GINS2: variants seen among roughly 807,000 people sequenced by gnomAD.
GINS2 encodes the protein DNA replication complex GINS protein PSF2.
A neutral mutation model predicts 21.2 loss-of-function variants in GINS2; 23 were observed. The observed-to-expected ratio is 1.08, with a 90% confidence interval of 0.78 to 1.53. The LOEUF is 1.53. Ranked by LOEUF, GINS2 falls within the 40% of genes most tolerant of loss-of-function variation. The pLI is 0.00. For synonymous variants in GINS2, 118 were observed against 85.6 expected (o/e 1.38, Z -2.09); for missense variants, 323 against 233.9 (o/e 1.38, Z -2.49).
intron 3 of GINS2, 23 bp downstream of exon 3, chr16:85,681,559 T>A: frequency 2.2e-6 from 3 of 1,387,462 alleles, no homozygotes; most frequent in Non-Finnish European, 3.1e-6. Context: ...GGGTGTGGCC[T>A]CTAAGAGGTG....
At chr16:85,679,449 G>A (rs1318317541) in intron 3 of GINS2, among the ~76,000 whole-genome samples, 2 of 152,212 alleles carry the variant, frequency 1.3e-5, no homozygotes, top group African/African-American at 4.8e-5. Flanking sequence ...TACAGGTTAC[G>A]CTAGACATTC....
chr16:85,687,970 C>T (rs956676841), intron 1 of GINS2: 1 of 159,770 alleles, frequency 6.3e-6, no homozygotes, highest in African/African-American at 2.4e-5. Context: ...AGGCGCCTCC[C>T]TCATACTGAA....
chr16:85,682,826 C>A (rs1003848487), intron 2 of GINS2, among the ~76,000 whole-genome samples: 6 of 152,168 alleles, frequency 3.9e-5, no homozygotes, highest in African/African-American at 9.7e-5. Context: ...AGCACAGCTA[C>A]GCTGCAGGGT....
chr16:85,678,360 G>C (rs1254905630), intron 4 of GINS2, 23 bp from the exon 5 acceptor site: 2 of 1,612,750 alleles, frequency 1.2e-6, no homozygotes, highest in South Asian at 1.1e-5. Flanking sequence ...AACAGACCAA[G>C]TTGGCCAAGG....
rs2053681342 is a variant in GINS2, at chr16:85,677,001, ACTATAGGCGTGTGCCACCACACCTGG to A, written c.*1185_*1210del. On this transcript the variant is annotated 3_prime_UTR_variant, in exon 5 of 5. Transcript: ENST00000253462. ...TGCCTCAGCCTCCCGAGTAGCTGCG[ACTATAGGCGTGTGCCACCACACCTGG>A]CAAATTTTTTTTTTTTTGTATTTTT... The A allele has an allele frequency of 6.6e-6, 1 of 151,906 alleles. No homozygotes were observed. The highest frequency in any genetic ancestry group is 1.5e-5 in the Non-Finnish European group (1 of 68,034). 9.4% of individuals were successfully genotyped at this position (151,906 alleles called of 1,614,324 possible). A position where few individuals can be genotyped will look rare whatever the true frequency, so the allele number is the denominator to read the frequency against.
rs2053673070 is a variant in GINS2 at position 85,676,574 on chromosome 16, G to C, written c.*1638C>G. 1 of 152,288 alleles carries C rather than the reference G, an allele frequency of 6.6e-6. No homozygotes were observed. Among genetic ancestry groups the C allele is most frequent in the Admixed American group, 6.5e-5 (1 of 15,286 alleles). The allele number at this position is 152,288 out of a possible 1,614,324, so 9.4% of individuals were successfully genotyped here. ...CAGCAACATGGAGTGATAGTGTGCA[G>C]CATGCTAGACACTGGAGGGCAGATG... On this transcript the variant is annotated 3_prime_UTR_variant, in exon 5 of 5. Coordinates refer to ENST00000253462, the MANE Select transcript of GINS2 (RefSeq NM_016095.3).
rs1018052223 is a variant in GINS2, at chr16:85,677,945, T to C, written c.*267A>G. 3.2e-5 allele frequency: 12 copies of C among 374,306 alleles called. No individual in the cohort carries two copies. Among genetic ancestry groups the C allele is most frequent in the African/African-American group, 6.3e-5 (3 of 47,718 alleles). The allele number at this position is 374,306 out of a possible 1,614,324, so 23.2% of individuals were successfully genotyped here. Reference sequence around the variant, plus strand: ...TGGCTCTGCTAGGGAGAATGACTTATTTACCTAAGGCTTTTTTATTTCTCA... The same window carrying C: ...TGGCTCTGCTAGGGAGAATGACTTACTTACCTAAGGCTTTTTTATTTCTCA... On this transcript the variant is annotated 3_prime_UTR_variant, in exon 5 of 5. Coordinates refer to ENST00000253462, the MANE Select transcript of GINS2 (RefSeq NM_016095.3).
Position 85,683,750 on chromosome 16 carries a change from C to T in GINS2, c.206-2069G>A, listed in dbSNP as rs189474841. ...CCTGCTCCTATTGCACCAACCTTCTCTACACAGCAGAGTGATCCTTTCATT... is the reference window on the plus strand; with the variant it reads ...CCTGCTCCTATTGCACCAACCTTCTTTACACAGCAGAGTGATCCTTTCATT... On this transcript the variant is annotated intron_variant, in intron 2 of 4. Coordinates refer to ENST00000253462, the MANE Select transcript of GINS2 (RefSeq NM_016095.3). 2.0e-5 allele frequency among the ~76,000 whole-genome samples: 3 copies of T among 152,384 alleles called. No individual in the cohort carries two copies. In the East Asian group the frequency reaches 5.8e-4, roughly 29 times the overall value.
intron 4 of GINS2, 55 bp from the exon 5 acceptor site, chr16:85,678,392 G>T (rs943603551): frequency 5.6e-6 from 9 of 1,597,816 alleles, no homozygotes; most frequent in African/African-American, 2.7e-5. Flanking sequence ...TTGAGAAAAA[G>T]GTAAACTCTA....
chr16:85,682,664 G>C (rs2053744179), intron 2 of GINS2, among the ~76,000 whole-genome samples: 1 of 152,118 alleles, frequency 6.6e-6, no homozygotes, highest in African/African-American at 2.4e-5. Context: ...CTAGAGGGGT[G>C]AAAGCCCAGC....
Position 85,685,670 on chromosome 16 carries a change from C to CAAAAAAAAAAAAAAAAA in GINS2, c.205+1773_205+1789dup, listed in dbSNP as rs752631926. ...TGGGTGACAGAGCAAGACCCTTTCTCAAAAAAAAAAAAAAAAAAAAACCGT... is the reference window on the plus strand; with the variant it reads ...TGGGTGACAGAGCAAGACCCTTTCTCAAAAAAAAAAAAAAAAAAAAAAAAAAAAAAAAAAAAAACCGT... On this transcript the variant is annotated intron_variant, in intron 2 of 4. Transcript: ENST00000253462. Among the ~76,000 whole-genome samples, 28 of 55,292 alleles carry CAAAAAAAAAAAAAAAAA rather than the reference C, an allele frequency of 5.1e-4. 3 individuals are homozygous for CAAAAAAAAAAAAAAAAA. The highest frequency in any genetic ancestry group is 1.3e-3 in the Admixed American group (7 of 5,272). The allele number at this position is 55,292 out of a possible 152,430, so 36.3% of individuals were successfully genotyped here.
chr16:85,685,379 C>G (rs1363174671), intron 2 of GINS2, among the ~76,000 whole-genome samples: 1 of 152,032 alleles, frequency 6.6e-6, no homozygotes, highest in African/African-American at 2.4e-5. Context: ...AGCCTCTCCT[C>G]TACAAAAGCC....
chr16:85,679,175 C>T (rs1030450642), intron 3 of GINS2, among the ~76,000 whole-genome samples: 1 of 152,276 alleles, frequency 6.6e-6, no homozygotes, highest in Admixed American at 6.5e-5. Flanking sequence ...CATTTCTATC[C>T]TCACAAAAGC....
intron 3 of GINS2, among the ~76,000 whole-genome samples, chr16:85,679,892 C>T: frequency 6.6e-6 from 1 of 152,184 alleles, no homozygotes; most frequent in East Asian, 1.9e-4. Flanking sequence ...CATTCCTCTG[C>T]TCCCATGAAT....
Position 85,688,916 on chromosome 16 carries a change from G to A in GINS2, c.-18C>T, listed in dbSNP as rs1021632502. On this transcript the variant is annotated 5_prime_UTR_variant, in exon 1 of 5. Coordinates refer to ENST00000253462, the MANE Select transcript of GINS2 (RefSeq NM_016095.3). ...GCGTCCATGGCGGCGCGAGCTGCAG[G>A]CCAGAGCCTCACGGTCTCCTCGGGC... 7 of 1,521,066 alleles carry A rather than the reference G, an allele frequency of 4.6e-6. No individual in the cohort carries two copies. Among genetic ancestry groups the A allele is most frequent in the African/African-American group, 1.4e-5 (1 of 71,268 alleles). The allele number at this position is 1,521,066 out of a possible 1,614,324, so 94.2% of individuals were successfully genotyped here. A position where few individuals can be genotyped will look rare whatever the true frequency, so the allele number is the denominator to read the frequency against.
chr16:85,680,606 T>C (rs187625999), intron 3 of GINS2, among the ~76,000 whole-genome samples: 274 of 151,664 alleles, frequency 1.8e-3, no homozygotes, highest in Non-Finnish European at 3.0e-3. Flanking sequence ...AATGGGTACA[T>C]GTGATGGCAC....
chr16:85,680,323 C>T (rs1307304891), intron 3 of GINS2, among the ~76,000 whole-genome samples: 1 of 152,238 alleles, frequency 6.6e-6, no homozygotes, highest in Admixed American at 6.5e-5. Context: ...CAGCGCCATT[C>T]AGTGGGCTCC....
At chr16:85,681,714 A>T in intron 2 of GINS2, 33 bp from the exon 3 acceptor site, 1 of 1,292,172 alleles carries the variant, frequency 7.7e-7, no homozygotes, top group African/African-American at 1.5e-5. Flanking sequence ...TTTTACCATC[A>T]TTATAACCAA....
rs1449403601 is a variant in GINS2, at chr16:85,677,542, CACCCCAG to C, written c.*663_*669del. 6.6e-6 allele frequency: 1 copy of C among 152,240 alleles called. No homozygotes were observed. The allele number at this position is 152,240 out of a possible 1,614,324, so 9.4% of individuals were successfully genotyped here. A position where few individuals can be genotyped will look rare whatever the true frequency, so the allele number is the denominator to read the frequency against. On this transcript the variant is annotated 3_prime_UTR_variant, in exon 5 of 5. Transcript: ENST00000253462. ...GCTAGAAGTAGCCAAGAGAAGGAGA[CACCCCAG>C]GTGTTGGTCTGCAGTTTCCACTTAA...
Sources: gnomAD v4.1 joint callset for allele counts (sites outside exome capture counted in the v4.1 genomes callset) on GRCh38, gnomAD v4.1.1 for gene constraint, MANE v1.5 for transcripts, NCBI Gene and HGNC (gene_info 2026-07-23, HGNC 2026-07-21) for gene names.